Variants in TASP1 observed in about 807,000 individuals in gnomAD.
TASP1 encodes the protein taspase 1, also known as threonine aspartase 1.
A neutral mutation model predicts 56.6 loss-of-function variants in TASP1; 16 were observed. The ratio of observed to expected loss-of-function variants is 0.28; its 90% CI spans 0.19 to 0.43. The LOEUF is 0.43. Among genes scored for constraint, TASP1 ranks in the 20% least tolerant of loss-of-function variants. The pLI is 1.00. For missense variants in TASP1, 393 were observed against 511.6 expected, an observed-to-expected ratio of 0.77 and a Z score of 2.24; for synonymous variants, 179 against 184.2, an observed-to-expected ratio of 0.97 and a Z score of 0.23.
chr20:13,333,624 T>C, the TASP1 span, among the ~76,000 whole-genome samples: 9 of 152,220 alleles, frequency 5.9e-5, no homozygotes, highest in African/African-American at 2.2e-4. Flanking sequence ...CTTAAACAGC[T>C]TGGTGCCACA....
chr20:13,550,667 A>C (rs1265020692), intron 8 of TASP1, among the ~76,000 whole-genome samples: 3 of 152,108 alleles, frequency 2.0e-5, no homozygotes, highest in African/African-American at 7.2e-5. Flanking sequence ...AGACCATGCA[A>C]AGTCAATTTC....
At chr20:13,415,753 C>A (rs995183944) in intron 13 of TASP1, among the ~76,000 whole-genome samples, 1 of 152,156 alleles carries the variant, frequency 6.6e-6, no homozygotes, top group African/African-American at 2.4e-5. Context: ...GGGCCACCAG[C>A]AAGGATAACA....
the TASP1 span, chr20:13,221,709 C>T: frequency 2.3e-6 from 3 of 1,287,852 alleles, no homozygotes; most frequent in South Asian, 2.2e-5. Flanking sequence ...CCTACTCCTC[C>T]TCCCCCGGCG....
chr20:13,276,920 T>C, the TASP1 span, among the ~76,000 whole-genome samples: 1 of 152,240 alleles, frequency 6.6e-6, no homozygotes, highest in East Asian at 1.9e-4. Context: ...TTTCACTTTG[T>C]TAACTGTAGG....
chr20:13,387,255 G>A (rs1192623669), downstream of TASP1, among the ~76,000 whole-genome samples: 1 of 136,698 alleles, frequency 7.3e-6, no homozygotes, highest in Non-Finnish European at 1.5e-5. Flanking sequence ...GTGCAATGGC[G>A]TGATCTCGGC....
chr20:13,612,765 A>G (rs2048392042), intron 4 of TASP1, among the ~76,000 whole-genome samples: 1 of 152,208 alleles, frequency 6.6e-6, no homozygotes, highest in African/African-American at 2.4e-5. Context: ...TTTTGAAGAA[A>G]TCCTGGCATT....
intron 6 of TASP1, among the ~76,000 whole-genome samples, chr20:13,576,393 G>GT (rs1228407578): frequency 6.0e-5 from 9 of 148,996 alleles, no homozygotes; most frequent in East Asian, 5.8e-4. Context: ...AAGAAAGAAA[G>GT]AAAGTCAGTC....
At chr20:13,190,212 A>G in the TASP1 span, among the ~76,000 whole-genome samples, 1 of 152,162 alleles carries the variant, frequency 6.6e-6, no homozygotes, top group South Asian at 2.1e-4. Context: ...TATTTGGGTG[A>G]TGGGTTTAAT....
At chr20:13,194,442 A>ATCTGG in the TASP1 span, among the ~76,000 whole-genome samples, 1 of 152,112 alleles carries the variant, frequency 6.6e-6, no homozygotes, top group African/African-American at 2.4e-5. Flanking sequence ...CTCAATTGCA[A>ATCTGG]ATGGTTGAAT....
At chr20:13,409,230 T>C (rs2042018128) in intron 13 of TASP1, among the ~76,000 whole-genome samples, 1 of 152,066 alleles carries the variant, frequency 6.6e-6, no homozygotes, top group Non-Finnish European at 1.5e-5. Context: ...GAATGTAATG[T>C]TCTATAAATA....
At chr20:13,187,732 C>CAAAAAAAAAAA in the TASP1 span, among the ~76,000 whole-genome samples, 3 of 57,154 alleles carry the variant, frequency 5.2e-5, no homozygotes, top group African/African-American at 1.4e-4. Context: ...GACTCCATCT[C>CAAAAAAAAAAA]AAAAAAAAAA....
intron 13 of TASP1, among the ~76,000 whole-genome samples, chr20:13,415,524 T>A (rs2042227149): frequency 1.3e-5 from 2 of 149,408 alleles, no homozygotes; most frequent in South Asian, 4.3e-4. Context: ...TTAACTCTCC[T>A]CAAGGAAGGT....
the TASP1 span, among the ~76,000 whole-genome samples, chr20:13,201,600 A>C: frequency 6.6e-6 from 1 of 151,168 alleles, no homozygotes; most frequent in African/African-American, 2.4e-5. Flanking sequence ...AAAGGCAATG[A>C]GAAGAGGAAA....
At chr20:13,574,272 G>T (rs1214976506) in intron 6 of TASP1, among the ~76,000 whole-genome samples, 1 of 152,116 alleles carries the variant, frequency 6.6e-6, no homozygotes, top group African/African-American at 2.4e-5. Context: ...TTAGCTCAAG[G>T]CCAAATGCTT....
chr20:13,160,105 G>C, the TASP1 span: 1 of 1,613,816 alleles, frequency 6.2e-7, no homozygotes, highest in Non-Finnish European at 8.5e-7. Flanking sequence ...GTGTTTCAGC[G>C]GCACATACCC....
chr20:13,298,916 G>A, the TASP1 span: 6 of 1,608,636 alleles, frequency 3.7e-6, no homozygotes, highest in Non-Finnish European at 8.5e-7. Flanking sequence ...CACGCGGTGA[G>A]AGGGTTTCTC....
At chr20:13,250,867 G>A in the TASP1 span, among the ~76,000 whole-genome samples, 1 of 152,212 alleles carries the variant, frequency 6.6e-6, no homozygotes, top group African/African-American at 2.4e-5. Context: ...ATGTTGGGTG[G>A]TTTGGGATGA....
intron 10 of TASP1, among the ~76,000 whole-genome samples, chr20:13,522,577 G>A (rs1270997387): frequency 6.6e-6 from 1 of 152,168 alleles, no homozygotes; most frequent in Non-Finnish European, 1.5e-5. Flanking sequence ...AACACGTTTA[G>A]GGTTAGGCAA....
At chr20:13,198,799 TTTCTTTCTTTCTTTC>T in the TASP1 span, among the ~76,000 whole-genome samples, 1 of 13,862 alleles carries the variant, frequency 7.2e-5, no homozygotes, top group Admixed American at 9.3e-4. Flanking sequence ...TTTGTCTTTC[TTTCTTTCTTTCTTTC>T]TTTCTTTCTT....
Sources: gnomAD v4.1 joint callset for allele counts (sites outside exome capture counted in the v4.1 genomes callset) on GRCh38, gnomAD v4.1.1 for gene constraint, MANE v1.5 for transcripts, NCBI Gene and HGNC (gene_info 2026-07-23, HGNC 2026-07-21) for gene names.